Variants in APOL1 observed in about 807,000 individuals in gnomAD.
APOL1 encodes the protein apolipoprotein L 1.
A neutral mutation model predicts 14.9 loss-of-function variants in APOL1; 17 were observed. The ratio of observed to expected loss-of-function variants is 1.14; its 90% confidence interval spans 0.78 to 1.71. The LOEUF is 1.71. Ranked by LOEUF, APOL1 falls within the 40% of genes most tolerant of loss-of-function variation. APOL1 has a pLI of 0.00. For missense variants in APOL1, 523 were observed against 485.9 expected (o/e 1.08, Z -0.72); for synonymous variants, 195 against 184.8 (o/e 1.05, Z -0.45).
At chr22:36,260,179 G>A (rs113661479) in intron 4 of APOL1, among the ~76,000 whole-genome samples, 7,224 of 152,296 alleles carry the variant, frequency 0.047, 182 homozygotes, top group Non-Finnish European at 0.054. Flanking sequence ...CAGATCACAA[G>A]GTCAGGAGAT....
Position 36,265,889 on chromosome 22 carries a change from C to T in APOL1, c.1053C>T (p.Tyr351=), listed in dbSNP as rs1404376199. The T allele has an allele frequency of 1.2e-6, 2 of 1,614,128 alleles. No homozygotes were observed. Among genetic ancestry groups the T allele is most frequent in the Non-Finnish European group, 1.7e-6 (2 of 1,180,034 alleles). ...TCTTTCTTGTGCTGGATGTAGTCTA[C>T]CTCGTGTACGAATCAAAGCACTTAC... ...VSFFLVLDVV[Y]LVYESKHLHE... The change falls in exon 6 of 6, where the codon TAC becomes TAT. Residue 351 remains tyrosine (Y), a synonymous_variant. Coordinates refer to ENST00000397278, the MANE Select transcript of APOL1 (RefSeq NM_003661.4).
At chr22:36,257,833 T>A (rs1163494774) in intron 4 of APOL1, among the ~76,000 whole-genome samples, 2 of 152,078 alleles carry the variant, frequency 1.3e-5, no homozygotes, top group Non-Finnish European at 2.9e-5. Context: ...CTGAGGCTGG[T>A]CCCCTCCCTC....
intron 4 of APOL1, among the ~76,000 whole-genome samples, chr22:36,257,743 G>A (rs1039961496): frequency 5.9e-5 from 9 of 151,970 alleles, no homozygotes; most frequent in African/African-American, 1.7e-4. Context: ...GAGGAGAGGA[G>A]GGCTGGGAGA....
At chr22:36,253,707 T>G (rs1260710635) in intron 1 of APOL1, 3 of 545,630 alleles carry the variant, frequency 5.5e-6, no homozygotes, top group South Asian at 2.3e-5. Context: ...AGCACCAACT[T>G]GTGCCAGGCC....
intron 2 of APOL1, among the ~76,000 whole-genome samples, chr22:36,256,007 T>A (rs1197161233): frequency 1.3e-5 from 2 of 152,208 alleles, no homozygotes; most frequent in African/African-American, 4.8e-5. Context: ...TACCCTCAGT[T>A]GTACCCAGTA....
intron 4 of APOL1, among the ~76,000 whole-genome samples, chr22:36,258,154 C>A (rs903643560): frequency 1.3e-5 from 2 of 152,136 alleles, no homozygotes; most frequent in South Asian, 2.1e-4. Context: ...CCCCGTCCCC[C>A]CCCAGCTGTG....
At chr22:36,259,101 T>A (rs894051388) in intron 4 of APOL1, among the ~76,000 whole-genome samples, 2 of 152,194 alleles carry the variant, frequency 1.3e-5, no homozygotes, top group Non-Finnish European at 2.9e-5. Context: ...GTCAGCTGGC[T>A]TTAAGTTTTG....
At position 36,261,719 on chromosome 22, in the gene APOL1, C is replaced by T. The variant is rs559819422; in HGVS notation, c.311C>T (p.Pro104Leu). Reference sequence around the variant, plus strand: ...GGATTCGTGGCTGCTGCTGAACTGCCCAGGTAAGCTCCATGGGGTTACCTC... The same window carrying T: ...GGATTCGTGGCTGCTGCTGAACTGCTCAGGTAAGCTCCATGGGGTTACCTC... ...WNGFVAAAEL[P>L]RNEADELRKA... The change falls in exon 5 of 6, where the codon CCC becomes CTC. Residue 104 changes from proline to leucine, a missense_variant. Transcript: ENST00000397278. 3 of 1,613,704 alleles carry T rather than the reference C, an allele frequency of 1.9e-6. No homozygotes were observed. Among genetic ancestry groups the T allele is most frequent in the Middle Eastern group, 1.7e-4 (1 of 6,060 alleles).
In APOL1 at chr22:36,265,380, C is replaced by G. The variant is rs1297646559; in HGVS notation, c.544C>G (p.Leu182Val). 1.9e-6 allele frequency: 3 copies of G among 1,612,854 alleles called. No individual in the cohort carries two copies. In the Admixed American group the frequency reaches 5.0e-5, roughly 27 times the overall value. ...TTIANVVSGS[L>V]SISSGILTLV... ...CATCGCCAATGTGGTGTCTGGCTCT[C>G]TCAGCATTTCCTCTGGCATCCTGAC... Residue 182 changes from leucine to valine, a missense_variant, in exon 6 of 6, where the codon CTC (leucine) becomes GTC (valine). Physicochemically the swap from Leu to Val is conservative, Grantham distance 32 (BLOSUM62 1). Transcript: ENST00000397278.
rs764109305 is a variant in APOL1, at chr22:36,265,255, T to G, written c.419T>G (p.Phe140Cys). The G allele has an allele frequency of 6.2e-7, 1 of 1,614,174 alleles. No homozygotes were observed. Among genetic ancestry groups the G allele is most frequent in the South Asian group, 1.1e-5 (1 of 91,074 alleles). ...HDKGQQYRNW[F>C]LKEFPRLKSE... ...AAAGGCCAGCAGTACAGAAACTGGTTTCTGAAAGAGTTTCCTCGGTTGAAA... is the reference window on the plus strand; with the variant it reads ...AAAGGCCAGCAGTACAGAAACTGGTGTCTGAAAGAGTTTCCTCGGTTGAAA... Residue 140 changes from phenylalanine to cysteine, a missense_variant, in exon 6 of 6, where the codon TTT becomes TGT. By Grantham distance (205) the Phe-to-Cys change is radical. Coordinates refer to ENST00000397278, the MANE Select transcript of APOL1 (RefSeq NM_003661.4).
At chr22:36,258,902 G>A (rs2015985928) in intron 4 of APOL1, among the ~76,000 whole-genome samples, 1 of 152,156 alleles carries the variant, frequency 6.6e-6, no homozygotes. Context: ...ACCCAGCGCC[G>A]AGTTGGATCT....
At chr22:36,253,906 G>A (rs2015770638) in intron 1 of APOL1, 1 of 1,610,756 alleles carries the variant, frequency 6.2e-7, no homozygotes, top group South Asian at 1.1e-5. Flanking sequence ...TGAGACAGGG[G>A]AGTGAGAAGG....
At chr22:36,259,369 A>G (rs1440296030) in intron 4 of APOL1, among the ~76,000 whole-genome samples, 7 of 152,206 alleles carry the variant, frequency 4.6e-5, no homozygotes, top group Non-Finnish European at 7.3e-5. Flanking sequence ...AGGAAAAAGA[A>G]AAAACAAGAC....
chr22:36,255,030 G>A lies in APOL1; in HGVS notation c.44+31G>A, dbSNP rs912889826. 4 of 1,600,868 alleles carry A rather than the reference G, an allele frequency of 2.5e-6. No individual in the cohort carries two copies. In the African/African-American group the frequency reaches 5.4e-5, roughly 21 times the overall value. On this transcript the variant is annotated intron_variant, in intron 2 of 5. Transcript: ENST00000397278. ...CTTGGCTCAGAGCCCTGAGGCGGGA[G>A]GGAGGGCTCCCTGTCTGGGCTGCAC...
At position 36,254,850 on chromosome 22, in the gene APOL1, G is replaced by A. The variant is rs146737649; in HGVS notation, c.-19-87G>A. The A allele has an allele frequency of 2.4e-4, 377 of 1,552,738 alleles. No homozygotes were observed. In the East Asian group the frequency reaches 7.2e-3, roughly 30 times the overall value. ...TGCACTCCAGCCTGGGTGATAGAGC[G>A]AGACTCCATTTCAAAAAAAAAATGA... On this transcript the variant is annotated intron_variant, in intron 1 of 5. Transcript: ENST00000397278.
chr22:36,261,465 C>T, intron 4 of APOL1, 131 bp from the exon 5 acceptor site: 1 of 1,009,510 alleles, frequency 9.9e-7, no homozygotes. Context: ...CTCTATAGCA[C>T]TAATGACTCC....
intron 1 of APOL1, chr22:36,253,767 G>T (rs1029943060): frequency 4.9e-6 from 3 of 617,854 alleles, no homozygotes; most frequent in South Asian, 2.0e-5. Context: ...CCAGGGTCCC[G>T]TGTCAGGAGG....
rs5750246 is a variant in APOL1, at chr22:36,266,702, G to A, written c.*669G>A. 267,126 of 354,148 alleles carry A rather than the reference G, an allele frequency of 0.75. 101,835 individuals carry two copies. Among genetic ancestry groups the A allele is most frequent in the African/African-American group, 0.91 (43,183 of 47,344 alleles). The allele number at this position is 354,148 out of a possible 1,614,324, so 21.9% of individuals were successfully genotyped here. On this transcript the variant is annotated 3_prime_UTR_variant, in exon 6 of 6. Transcript: ENST00000397278. ...GGGCGGATCACGAGGTCAGGAGATC[G>A]AGACCATCCTGGCTAACACAGTGAA...
At chr22:36,262,173 G>A (rs2016096014) in intron 5 of APOL1, among the ~76,000 whole-genome samples, 1 of 152,330 alleles carries the variant, frequency 6.6e-6, no homozygotes, top group Admixed American at 6.5e-5. Flanking sequence ...AGCAGGACTT[G>A]ACCTTTGGGA....
Sources: gnomAD v4.1 joint callset for allele counts (sites outside exome capture counted in the v4.1 genomes callset) on GRCh38, gnomAD v4.1.1 for gene constraint, MANE v1.5 for transcripts, NCBI Gene and HGNC (gene_info 2026-07-23, HGNC 2026-07-21) for gene names.